Variants in TJP2 observed in about 807,000 individuals in gnomAD.
The protein encoded by TJP2 is tight junction protein 2, also known as Friedreich ataxia region gene X104 (tight junction protein ZO-2).
A neutral mutation model predicts 133.1 loss-of-function variants in TJP2; 91 were observed. The ratio of observed to expected loss-of-function variants is 0.68; its 90% CI spans 0.58 to 0.81. The LOEUF is 0.81. Among genes scored for constraint, TJP2 ranks in the 40% least tolerant of loss-of-function variants. The probability of loss-of-function intolerance (pLI) is 0.00; values close to 1 mark genes in which losing one functional copy is unlikely to be tolerated. For missense variants in TJP2, 1,541 were observed against 1,565.6 expected (o/e 0.98, Z 0.26); for synonymous variants, 592 against 583.4 (o/e 1.01, Z -0.21).
chr9:69,253,891 A>G (rs1293102054), intron 22 of TJP2: 1 of 406,772 alleles, frequency 2.5e-6, no homozygotes. Flanking sequence ...ATGGACTGAA[A>G]CTGGCAGAGA....
intron 2 of TJP2, among the ~76,000 whole-genome samples, chr9:69,157,157 C>A (rs912819562): frequency 1.3e-5 from 2 of 152,044 alleles, no homozygotes; most frequent in Non-Finnish European, 2.9e-5. Context: ...TGCAGGGGCC[C>A]TTCAAATTTT....
intron 2 of TJP2, among the ~76,000 whole-genome samples, chr9:69,155,467 A>G (rs1823707560): frequency 6.6e-6 from 1 of 152,226 alleles, no homozygotes; most frequent in Non-Finnish European, 1.5e-5. Flanking sequence ...GTGTTAAAAC[A>G]CGGATTCCTG....
intron 5 of TJP2, among the ~76,000 whole-genome samples, chr9:69,223,032 G>T (rs1302939465): frequency 2.4e-5 from 3 of 123,202 alleles, no homozygotes; most frequent in Non-Finnish European, 4.9e-5. Flanking sequence ...TCATGTCACT[G>T]CACTCCAGCC....
chr9:69,177,300 G>C (rs1414379601), intron 1 of TJP2, among the ~76,000 whole-genome samples: 1 of 152,144 alleles, frequency 6.6e-6, no homozygotes, highest in African/African-American at 2.4e-5. Context: ...GTTTTCTCTG[G>C]TGTTTTACTG....
In TJP2 at chr9:69,248,006, C is replaced by T; in HGVS notation, c.2668-6C>T. On this transcript the variant is annotated splice_region_variant and splice_polypyrimidine_tract_variant and intron_variant, in intron 18 of 22. Coordinates refer to ENST00000377245, the MANE Select transcript of TJP2 (RefSeq NM_004817.4). ...CCCACTGACCGTCCAACACAAATTC[C>T]TCTAGATGGAAGGGATGGATGATGA... 2.5e-6 allele frequency: 4 copies of T among 1,593,240 alleles called. No homozygotes were observed. The highest frequency in any genetic ancestry group is 2.3e-5 in the South Asian group (2 of 88,104).
At position 69,166,382 on chromosome 9, in the gene TJP2, C is replaced by T. The variant is rs148361605; in HGVS notation, c.-10+14611C>T. Among the ~76,000 whole-genome samples, 808 of 152,136 alleles carry T rather than the reference C, an allele frequency of 5.3e-3. 7 individuals are homozygous for T. The highest frequency in any genetic ancestry group is 0.014 in the African/African-American group (587 of 41,530). The stretch of plus-strand genomic sequence containing the variant: ...CCTCCCAAAGTGCTGGGATTACAGG[C>T]GTGAGCCATCTGCCTAACCTTATTT... On this transcript the variant is annotated intron_variant, in intron 2 of 5. Coordinates refer to the TJP2 transcript ENST00000423935.
At chr9:69,121,273 C>T, upstream of TJP2, 1 of 985,434 alleles carries the variant, frequency 1.0e-6, no homozygotes, top group Non-Finnish European at 1.2e-6. Flanking sequence ...CCACCCTCTC[C>T]GCCTTTCCCG....
chr9:69,213,357 A>C (rs1828088595), intron 2 of TJP2, among the ~76,000 whole-genome samples: 1 of 152,126 alleles, frequency 6.6e-6, no homozygotes. Context: ...CACCGTGCCC[A>C]GACGGTTCCG....
At position 69,229,096 on chromosome 9, in the gene TJP2, C is replaced by A. The variant is rs1427981458; in HGVS notation, c.1454-88C>A. On this transcript the variant is annotated intron_variant, in intron 9 of 22. Transcript: ENST00000377245. ...TGGTGACATATGTGGCATAGACTTA[C>A]ATTTTTTGTGGATTTTGTGATTTTT... The A allele has an allele frequency of 5.5e-6, 7 of 1,270,778 alleles. No individual in the cohort carries two copies. The South Asian group carries it at 5.9e-5, about 11-fold the overall frequency. The allele number at this position is 1,270,778 out of a possible 1,614,324, so 78.7% of individuals were successfully genotyped here. A position where few individuals can be genotyped will look rare whatever the true frequency, so the allele number is the denominator to read the frequency against.
chr9:69,122,726 C>G (rs1447781183), intron 1 of TJP2, among the ~76,000 whole-genome samples: 10 of 152,176 alleles, frequency 6.6e-5, no homozygotes, highest in African/African-American at 2.2e-4. Context: ...AACTGAGTAT[C>G]TCAACTATCC....
At chr9:69,159,365 TATTATA>T (rs1340276493) in intron 2 of TJP2, among the ~76,000 whole-genome samples, 34 of 147,090 alleles carry the variant, frequency 2.3e-4, no homozygotes, top group African/African-American at 8.1e-4. Flanking sequence ...ATACAATTTT[TATTATA>T]ATTATTGCTG....
intron 2 of TJP2, among the ~76,000 whole-genome samples, chr9:69,163,514 T>C (rs2132866638): frequency 6.6e-6 from 1 of 152,156 alleles, no homozygotes; most frequent in South Asian, 2.1e-4. Context: ...TGCACGCCTA[T>C]GTTCCCAGTT....
rs116285886 is a variant in TJP2 at position 69,232,620 on chromosome 9, C to T, written c.1672-1819C>T. Among the ~76,000 whole-genome samples, 486 of 152,204 alleles carry T rather than the reference C, an allele frequency of 3.2e-3. 5 individuals are homozygous for T. The highest frequency in any genetic ancestry group is 0.011 in the African/African-American group (470 of 41,528). On this transcript the variant is annotated intron_variant, in intron 11 of 22. Coordinates refer to ENST00000377245, the MANE Select transcript of TJP2 (RefSeq NM_004817.4). ...GTGGCTCTTTGTTTTGCAAAGGTGA[C>T]AGCCTAATGTGTGGAATGAAGACGT...
intron 1 of TJP2, among the ~76,000 whole-genome samples, chr9:69,124,656 TTC>T (rs1822262352): frequency 1.3e-5 from 1 of 77,778 alleles, no homozygotes; most frequent in Admixed American, 1.9e-4. Context: ...TGGCAGAACA[TTC>T]TCTCTTAAGA....
intron 1 of TJP2, among the ~76,000 whole-genome samples, chr9:69,150,930 A>G (rs1823443290): frequency 6.6e-6 from 1 of 152,218 alleles, no homozygotes; most frequent in Admixed American, 6.5e-5. Context: ...TTTGGCCATA[A>G]AAAGGAATGA....
In TJP2 at chr9:69,227,777, T is replaced by C; in HGVS notation, c.1223T>C (p.Ile408Thr). 6.2e-7 allele frequency: 1 copy of C among 1,605,868 alleles called. No homozygotes were observed. Residue 408 changes from isoleucine to threonine, a missense_variant, in exon 8 of 23, where the codon ATA (isoleucine) becomes ACA (threonine). Coordinates refer to ENST00000377245, the MANE Select transcript of TJP2 (RefSeq NM_004817.4). ...SDSEIEDISE[I>T]ESNRSFSPEE... ...TTTTTGAAACTAGATATTTCAGAAA[T>C]AGAGTCAAACCGATCATTTTCTCCA...
At position 69,230,281 on chromosome 9, in the gene TJP2, CT is replaced by C. The variant is rs762702057; in HGVS notation, c.1671+53del. 4.3e-6 allele frequency: 7 copies of C among 1,611,226 alleles called. No individual in the cohort carries two copies. The South Asian group carries it at 7.7e-5, about 18-fold the overall frequency. On this transcript the variant is annotated intron_variant, in intron 11 of 22. Coordinates refer to ENST00000377245, the MANE Select transcript of TJP2 (RefSeq NM_004817.4). ...CTAGAAGTTACTTGTAAGGAGTGCA[CT>C]TTTCTGGGTGTTCTTTCTGTAAGGG...
In TJP2 at chr9:69,254,325, A is replaced by G; in HGVS notation, c.3524A>G (p.Lys1175Arg). ...EYRQQLSEHS[K>R]RGYYGQSARY... ...CGCCAGCAGCTGTCAGAACACTCCA[A>G]GCGCGGTTACTATGGCCAGTCTGCC... Residue 1175 changes from lysine (K) to arginine (R), a missense_variant, in exon 23 of 23, where the codon AAG (lysine) becomes AGG (arginine). Lys to Arg is a conservative substitution (Grantham distance 26, BLOSUM62 2). Coordinates refer to ENST00000377245, the MANE Select transcript of TJP2 (RefSeq NM_004817.4). The G allele has an allele frequency of 6.2e-7, 1 of 1,614,252 alleles. No homozygotes were observed. Among genetic ancestry groups the G allele is most frequent in the Non-Finnish European group, 8.5e-7 (1 of 1,180,042 alleles).
At chr9:69,232,108 T>C (rs1829830338) in intron 11 of TJP2, among the ~76,000 whole-genome samples, 1 of 152,198 alleles carries the variant, frequency 6.6e-6, no homozygotes, top group African/African-American at 2.4e-5. Flanking sequence ...AGTCATGGTA[T>C]CAGCATTTAT....
Sources: allele counts gnomAD v4.1 joint callset (sites outside exome capture counted in the v4.1 genomes callset), GRCh38; gene constraint gnomAD v4.1.1; transcripts MANE v1.5; gene names NCBI Gene and HGNC (gene_info 2026-07-23, HGNC 2026-07-21).